The following CTNND2 variants were observed in gnomAD, a reference collection of about 807,000 sequenced individuals.
The protein encoded by CTNND2 is catenin delta-2.
Under a neutral mutation model 144.4 loss-of-function variants are expected in CTNND2, and 22 were observed. The ratio of observed to expected loss-of-function variants is 0.15; its 90% CI spans 0.11 to 0.22. The LOEUF (loss-of-function observed/expected upper bound fraction) is 0.22. Among genes scored for constraint, CTNND2 ranks in the 10% least tolerant of loss-of-function variants. CTNND2 has a pLI of 1.00. For synonymous variants in CTNND2, 751 were observed against 695.6 expected, an observed-to-expected ratio of 1.08 and a Z score of -1.25; for missense variants, 1,353 against 1,618.8, an observed-to-expected ratio of 0.84 and a Z score of 2.82.
intron 10 of CTNND2, among the ~76,000 whole-genome samples, chr5:11,234,884 G>A (rs898531565): frequency 6.6e-6 from 1 of 152,036 alleles, no homozygotes; most frequent in Non-Finnish European, 1.5e-5. Flanking sequence ...TTTGGTATCC[G>A]CAGGAGTTTC....
At chr5:11,010,382 C>G (rs1740950671) in intron 18 of CTNND2, among the ~76,000 whole-genome samples, 1 of 152,232 alleles carries the variant, frequency 6.6e-6, no homozygotes, top group Non-Finnish European at 1.5e-5. Context: ...ACCCTTCATA[C>G]TGCAAAGCTT....
chr5:11,239,913 G>T (rs1014331477), intron 9 of CTNND2, among the ~76,000 whole-genome samples: 1 of 152,152 alleles, frequency 6.6e-6, no homozygotes, highest in Non-Finnish European at 1.5e-5. Context: ...CTGAGGCCAG[G>T]GCCCCAACTC....
At chr5:11,296,534 G>A (rs1224969633) in intron 9 of CTNND2, among the ~76,000 whole-genome samples, 4 of 152,066 alleles carry the variant, frequency 2.6e-5, no homozygotes, top group African/African-American at 4.8e-5. Context: ...ACATGCACAC[G>A]TATGTTTACT....
intron 7 of CTNND2, among the ~76,000 whole-genome samples, chr5:11,366,899 C>T (rs1340608529): frequency 6.6e-6 from 1 of 152,122 alleles, no homozygotes; most frequent in Non-Finnish European, 1.5e-5. Flanking sequence ...ATTTGGCATT[C>T]AGAAATTTTC....
At chr5:11,584,985 T>A (rs1165994124) in intron 2 of CTNND2, among the ~76,000 whole-genome samples, 1 of 152,200 alleles carries the variant, frequency 6.6e-6, no homozygotes. Flanking sequence ...GTTGAAAACA[T>A]ACTTTGGAGA....
rs186664530 is a variant in CTNND2, at chr5:11,201,064, C to T, written c.1762-1403G>A. Among the ~76,000 whole-genome samples the T allele has an allele frequency of 5.9e-5, 9 of 152,316 alleles. No individual in the cohort carries two copies. The East Asian group carries it at 1.5e-3, about 26-fold the overall frequency. On this transcript the variant is annotated intron_variant, in intron 10 of 21. Coordinates refer to ENST00000304623, the MANE Select transcript of CTNND2 (RefSeq NM_001332.4). ...GTTTAAAACTGCACTTAGAACCACA[C>T]CCTCACCCCAAGCCAGCATTCTTGT...
At chr5:11,159,871 G>A (rs1208096857) in intron 11 of CTNND2, 112 bp from the exon 12 acceptor site, 6 of 803,662 alleles carry the variant, frequency 7.5e-6, no homozygotes, top group Non-Finnish European at 2.0e-6. Context: ...AAAATACTGT[G>A]GACACACATC....
intron 2 of CTNND2, among the ~76,000 whole-genome samples, chr5:11,714,541 T>C (rs572222695): frequency 3.3e-5 from 5 of 152,206 alleles, no homozygotes; most frequent in South Asian, 2.1e-4. Flanking sequence ...CCAGAATAGG[T>C]TGTAAGATCT....
chr5:11,271,891 G>A (rs1286317536), intron 9 of CTNND2, among the ~76,000 whole-genome samples: 1 of 151,986 alleles, frequency 6.6e-6, no homozygotes, highest in Non-Finnish European at 1.5e-5. Context: ...TACTGGGTAG[G>A]ATACAAATTG....
chr5:11,580,258 A>T (rs755002193), intron 2 of CTNND2, among the ~76,000 whole-genome samples: 3 of 152,220 alleles, frequency 2.0e-5, no homozygotes, highest in Non-Finnish European at 4.4e-5. Context: ...AGAGAGATAG[A>T]CTACCCATGG....
intron 1 of CTNND2, among the ~76,000 whole-genome samples, chr5:11,830,575 T>C (rs910249706): frequency 6.6e-6 from 1 of 152,236 alleles, no homozygotes; most frequent in Non-Finnish European, 1.5e-5. Flanking sequence ...TCACCAGCCA[T>C]GTGGAACTGT....
chr5:11,277,223 G>C (rs1252891036), intron 9 of CTNND2, among the ~76,000 whole-genome samples: 2 of 151,792 alleles, frequency 1.3e-5, no homozygotes, highest in African/African-American at 4.8e-5. Flanking sequence ...CTCAATAGAA[G>C]TTTTGGTTCT....
At chr5:11,817,732 G>A (rs1298488787) in intron 1 of CTNND2, among the ~76,000 whole-genome samples, 1 of 151,976 alleles carries the variant, frequency 6.6e-6, no homozygotes. Context: ...GGGATGGGAT[G>A]CGAGTCCACT....
intron 11 of CTNND2, among the ~76,000 whole-genome samples, chr5:11,196,845 G>A (rs1400358628): frequency 6.6e-6 from 1 of 152,238 alleles, no homozygotes; most frequent in Non-Finnish European, 1.5e-5. Context: ...GGTCAACTGA[G>A]GGCATCCAAG....
intron 18 of CTNND2, among the ~76,000 whole-genome samples, chr5:11,005,634 G>T (rs1740407554): frequency 6.6e-6 from 1 of 152,192 alleles, no homozygotes; most frequent in African/African-American, 2.4e-5. Flanking sequence ...TTTCTGAAAA[G>T]AACAACAAGG....
chr5:11,360,453 G>GCAGGGCAGAAAGAGTAGAGTGGC lies in CTNND2; in HGVS notation c.1372+4220_1372+4242dup, dbSNP rs1191031748. Among the ~76,000 whole-genome samples the GCAGGGCAGAAAGAGTAGAGTGGC allele has an allele frequency of 5.3e-5, 8 of 152,270 alleles. No homozygotes were observed. The East Asian group carries it at 1.5e-3, about 29-fold the overall frequency. On this transcript the variant is annotated intron_variant, in intron 8 of 21. Transcript: ENST00000304623. ...AGGGGTGAGGTCAGCATGGGGCAGA[G>GCAGGGCAGAAAGAGTAGAGTGGC]CAGGGCAGAAAGAGTAGAGTGGCCA...
At chr5:11,561,740 C>T (rs1160620094) in intron 3 of CTNND2, among the ~76,000 whole-genome samples, 1 of 152,076 alleles carries the variant, frequency 6.6e-6, no homozygotes, top group Non-Finnish European at 1.5e-5. Context: ...GTTGATGTGA[C>T]TACCTGAAAA....
intron 10 of CTNND2, among the ~76,000 whole-genome samples, chr5:11,219,902 G>A (rs981639227): frequency 2.0e-5 from 3 of 152,046 alleles, no homozygotes; most frequent in African/African-American, 7.2e-5. Context: ...CTTAGAATAG[G>A]GTAGAGTTGT....
chr5:11,240,207 C>CCCCAACACACACA (rs1256984423), intron 9 of CTNND2, among the ~76,000 whole-genome samples: 1 of 112,634 alleles, frequency 8.9e-6, no homozygotes, highest in Non-Finnish European at 1.8e-5. Context: ...ACACACACAC[C>CCCCAACACACACA]CCCAACACAC....
Sources: gnomAD v4.1 joint callset for allele counts (sites outside exome capture counted in the v4.1 genomes callset) on GRCh38, gnomAD v4.1.1 for gene constraint, MANE v1.5 for transcripts, NCBI Gene and HGNC (gene_info 2026-07-23, HGNC 2026-07-21) for gene names.